Variants in RGS13 observed in about 807,000 individuals in gnomAD.
RGS13 encodes the protein regulator of G-protein signalling 13.
RGS13 carries 14 observed loss-of-function variants against 19.9 expected under a neutral mutation model. The ratio of observed to expected loss-of-function variants is 0.70; its 90% confidence interval spans 0.46 to 1.10. RGS13 has a LOEUF of 1.10. Ranked by LOEUF, RGS13 falls within the 50% of genes least tolerant of loss-of-function variation. The pLI is 0.00. For missense variants in RGS13, 205 were observed against 187.1 expected, an observed-to-expected ratio of 1.10 and a Z score of -0.56; for synonymous variants, 60 against 56.8, an observed-to-expected ratio of 1.06 and a Z score of -0.25.
At chr1:192,647,095 G>T (rs1358454696) in intron 4 of RGS13, 3 of 152,112 alleles carry the variant, frequency 2.0e-5, no homozygotes, top group Non-Finnish European at 4.4e-5. Context: ...TAGCTTTAGG[G>T]TTACTAACTG....
chr1:192,657,011 A>T (rs1364648619), intron 5 of RGS13, among the ~76,000 whole-genome samples: 2 of 152,062 alleles, frequency 1.3e-5, no homozygotes, highest in Non-Finnish European at 2.9e-5. Flanking sequence ...AATGATATTG[A>T]CCAAGATAGT....
At chr1:192,659,198 T>G (rs1663562220) in intron 6 of RGS13, 140 bp from the exon 7 acceptor site, 2 of 526,320 alleles carry the variant, frequency 3.8e-6, no homozygotes, top group East Asian at 6.4e-5. Context: ...ATATATCTTC[T>G]TAGATGCCTA....
intron 5 of RGS13, among the ~76,000 whole-genome samples, chr1:192,656,572 C>T (rs1458175831): frequency 6.6e-6 from 1 of 151,948 alleles, no homozygotes; most frequent in Non-Finnish European, 1.5e-5. Flanking sequence ...ATAGGAATAT[C>T]TAATCTATAT....
At chr1:192,649,997 C>G (rs1663306720) in intron 5 of RGS13, among the ~76,000 whole-genome samples, 1 of 152,024 alleles carries the variant, frequency 6.6e-6, no homozygotes, top group South Asian at 2.1e-4. Flanking sequence ...TGAAAATGTG[C>G]TTTGTACCCA....
chr1:192,636,474 C>T (rs1663021040), intron 1 of RGS13, among the ~76,000 whole-genome samples, 157 bp downstream of exon 1: 1 of 151,856 alleles, frequency 6.6e-6, no homozygotes, highest in Non-Finnish European at 1.5e-5. Flanking sequence ...TATTCTTTTG[C>T]CTGGCTTTCT....
intron 5 of RGS13, among the ~76,000 whole-genome samples, chr1:192,654,375 G>GA (rs1663398724): frequency 6.6e-6 from 1 of 151,002 alleles, no homozygotes; most frequent in South Asian, 2.1e-4. Flanking sequence ...CCATAAATTT[G>GA]AAAAAAAGAC....
chr1:192,637,545 T>C (rs1375920621), intron 1 of RGS13, 45 bp from the exon 2 acceptor site: 1 of 151,972 alleles, frequency 6.6e-6, no homozygotes, highest in Non-Finnish European at 1.5e-5. Context: ...AAGCACACAA[T>C]AATCTTTTTG....
chr1:192,641,237 AAAGAAAGAAAAGAAAGAAAAGAAAGAAAG>A (rs1663105175), intron 3 of RGS13, among the ~76,000 whole-genome samples: 3 of 76,114 alleles, frequency 3.9e-5, no homozygotes, highest in African/African-American at 2.1e-4. Flanking sequence ...AGAAAGAAAG[AAAGAAAGAAAAGAAAGAAAAGAAAGAAAG>A]AAAGAAAGAA....
At chr1:192,656,299 T>C (rs908522821) in intron 5 of RGS13, among the ~76,000 whole-genome samples, 1 of 152,056 alleles carries the variant, frequency 6.6e-6, no homozygotes, top group Non-Finnish European at 1.5e-5. Context: ...CATATAAATA[T>C]TGGCTTCCAA....
Position 192,658,187 on chromosome 1 carries a change from TC to T in RGS13, c.128-12del. On this transcript the variant is annotated splice_polypyrimidine_tract_variant and intron_variant, in intron 5 of 6. Transcript: ENST00000391995. Reference sequence around the variant, plus strand: ...TGACCCATGAAAATAAACTGATTTCTCCTCTACTTTTAGATGGTCCAGTAGT... The same window carrying T: ...TGACCCATGAAAATAAACTGATTTCTCTCTACTTTTAGATGGTCCAGTAGT... 6.3e-7 allele frequency: 1 copy of T among 1,583,302 alleles called. No individual in the cohort carries two copies. The highest frequency in any genetic ancestry group is 8.6e-7 in the Non-Finnish European group (1 of 1,165,422).
At chr1:192,650,499 A>G (rs532632711) in intron 5 of RGS13, among the ~76,000 whole-genome samples, 1 of 152,258 alleles carries the variant, frequency 6.6e-6, no homozygotes, top group East Asian at 1.9e-4. Context: ...ATGCAGATGC[A>G]TATTTTACAT....
rs564887532 is a variant in RGS13 at position 192,640,693 on chromosome 1, T to G, written c.-5+2490T>G. ...GTCCTCCTCACTTATAGTAGAGACT[T>G]ACATAGAAAATGAAGTTGATCAGAC... is the stretch of plus-strand genomic sequence containing the variant. On this transcript the variant is annotated intron_variant, in intron 3 of 6. Transcript: ENST00000391995. 1.5e-4 allele frequency among the ~76,000 whole-genome samples: 8 copies of G among 52,724 alleles called. No homozygotes were observed. The East Asian group carries it at 2.5e-3, about 17-fold the overall frequency. The allele number at this position is 52,724 out of a possible 152,430, so 34.6% of individuals were successfully genotyped here.
At chr1:192,658,018 C>T (rs948166305) in intron 5 of RGS13, among the ~76,000 whole-genome samples, 183 bp from the exon 6 acceptor site, 8 of 152,020 alleles carry the variant, frequency 5.3e-5, no homozygotes, top group Non-Finnish European at 1.2e-4. Flanking sequence ...TGTCAAAGCA[C>T]GCTTCAGATG....
intron 3 of RGS13, among the ~76,000 whole-genome samples, chr1:192,641,271 AAAGAAAG>A (rs1322678425): frequency 8.9e-6 from 1 of 111,794 alleles, no homozygotes. Flanking sequence ...AGAAAGAAAG[AAAGAAAG>A]AAAGAAAGAA....
intron 4 of RGS13, chr1:192,646,948 T>A (rs1030574323): frequency 8.5e-5 from 13 of 152,198 alleles, no homozygotes; most frequent in Admixed American, 7.2e-4. Flanking sequence ...AGTTCTGGAA[T>A]CTTTCACAAC....
chr1:192,653,085 A>G (rs1663371061), intron 5 of RGS13, among the ~76,000 whole-genome samples: 1 of 152,158 alleles, frequency 6.6e-6, no homozygotes, highest in South Asian at 2.1e-4. Flanking sequence ...CTCAAAATTC[A>G]TAAACAAAAA....
At chr1:192,650,585 T>G (rs6703926) in intron 5 of RGS13, among the ~76,000 whole-genome samples, 1 of 151,936 alleles carries the variant, frequency 6.6e-6, no homozygotes, top group Non-Finnish European at 1.5e-5. Flanking sequence ...TGGGTCTCAA[T>G]AGATGAACCG....
At chr1:192,654,619 T>C (rs1663402747) in intron 5 of RGS13, among the ~76,000 whole-genome samples, 1 of 152,072 alleles carries the variant, frequency 6.6e-6, no homozygotes. Context: ...GCATTTCTAA[T>C]GGTACTGCAA....
At chr1:192,639,802 T>C (rs962430011) in intron 3 of RGS13, among the ~76,000 whole-genome samples, 2 of 152,286 alleles carry the variant, frequency 1.3e-5, no homozygotes, top group South Asian at 4.1e-4. Flanking sequence ...ACTATTTGAA[T>C]ATACTCTGTC....
Sources: gnomAD v4.1 joint callset for allele counts (sites outside exome capture counted in the v4.1 genomes callset) on GRCh38, gnomAD v4.1.1 for gene constraint, MANE v1.5 for transcripts, NCBI Gene and HGNC (gene_info 2026-07-23, HGNC 2026-07-21) for gene names.